The following CLSTN2 variants were observed in gnomAD, a reference collection of about 807,000 sequenced individuals.
CLSTN2 encodes the protein calsyntenin-2.
A neutral mutation model predicts 101.2 loss-of-function variants in CLSTN2; 48 were observed. That is an observed-to-expected ratio of 0.47 (90% CI 0.38 to 0.60). CLSTN2 has a LOEUF of 0.60. Ranked by LOEUF, CLSTN2 falls within the 20% of genes least tolerant of loss-of-function variation. The pLI, the probability that CLSTN2 is intolerant of heterozygous loss-of-function variation, is 0.00. For missense variants in CLSTN2, 1,160 were observed against 1,238.2 expected (o/e 0.94, Z 0.95); for synonymous variants, 481 against 463.6 (o/e 1.04, Z -0.48).
At chr3:139,970,023 G>T (rs1322704863) in intron 1 of CLSTN2, among the ~76,000 whole-genome samples, 1 of 152,174 alleles carries the variant, frequency 6.6e-6, no homozygotes, top group African/African-American at 2.4e-5. Context: ...CTACTTACCA[G>T]CCATGGGAAC....
At chr3:140,515,043 A>C (rs752907987) in intron 8 of CLSTN2, among the ~76,000 whole-genome samples, 10 of 148,568 alleles carry the variant, frequency 6.7e-5, no homozygotes, top group Non-Finnish European at 1.0e-4. Flanking sequence ...TGACCATTTC[A>C]ATCTTGCTGC....
At position 140,472,911 on chromosome 3, in the gene CLSTN2, C is replaced by A. The variant is rs572966996; in HGVS notation, c.1344+6180C>A. On this transcript the variant is annotated intron_variant, in intron 8 of 16. Coordinates refer to ENST00000458420, the MANE Select transcript of CLSTN2 (RefSeq NM_022131.3). ...ATATGGCTTCCTGACAAGCCCCAGT[C>A]ATATTCTAGTCCCTCTCCCTGACTG... Among the ~76,000 whole-genome samples, 169 of 152,272 alleles carry A rather than the reference C, an allele frequency of 1.1e-3. 1 individual carries two copies. The highest frequency in any genetic ancestry group is 3.9e-3 in the African/African-American group (163 of 41,548).
chr3:140,273,817 C>A (rs968642964), intron 2 of CLSTN2, among the ~76,000 whole-genome samples: 1 of 152,150 alleles, frequency 6.6e-6, no homozygotes, highest in African/African-American at 2.4e-5. Context: ...CATAGGAAGG[C>A]ACTTTGTAGT....
chr3:140,456,309 T>G (rs1933396930), intron 6 of CLSTN2, among the ~76,000 whole-genome samples: 1 of 152,160 alleles, frequency 6.6e-6, no homozygotes, highest in Admixed American at 6.5e-5. Context: ...ATGGGTCCAC[T>G]CACTAGCTGG....
At chr3:140,223,174 A>T (rs1384374500) in intron 2 of CLSTN2, among the ~76,000 whole-genome samples, 1 of 152,230 alleles carries the variant, frequency 6.6e-6, no homozygotes, top group Non-Finnish European at 1.5e-5. Context: ...CAGAAGCAAC[A>T]TCTTACCTGG....
At chr3:139,973,477 G>C (rs556445780) in intron 1 of CLSTN2, among the ~76,000 whole-genome samples, 5 of 152,230 alleles carry the variant, frequency 3.3e-5, no homozygotes, top group South Asian at 2.1e-4. Flanking sequence ...TTGGGGGTTG[G>C]GGGGAAGGAC....
Position 140,576,459 on chromosome 3 carries a change from A to G in CLSTN2, c.*10206A>G, listed in dbSNP as rs981375046. On this transcript the variant is annotated 3_prime_UTR_variant, in exon 17 of 17. Transcript: ENST00000458420. ...TAAAGGTTCTGGGTTCAGCCAGTCT[A>G]AAAAGTCTAATAATTTCTTCTCTCA... 1.3e-5 allele frequency: 2 copies of G among 152,260 alleles called. No individual in the cohort carries two copies. The highest frequency in any genetic ancestry group is 4.1e-4 in the South Asian group (2 of 4,834). The allele number at this position is 152,260 out of a possible 1,614,324, so 9.4% of individuals were successfully genotyped here.
At chr3:140,318,449 C>T (rs1383800519) in intron 2 of CLSTN2, among the ~76,000 whole-genome samples, 1 of 152,184 alleles carries the variant, frequency 6.6e-6, no homozygotes, top group Non-Finnish European at 1.5e-5. Flanking sequence ...TGGGTTTATG[C>T]AGAAGCTCCT....
chr3:139,964,979 T>G (rs1459809447), intron 1 of CLSTN2, among the ~76,000 whole-genome samples: 1 of 152,146 alleles, frequency 6.6e-6, no homozygotes, highest in African/African-American at 2.4e-5. Context: ...GCACCCCAAT[T>G]CATCTTGATG....
At chr3:139,976,315 C>T (rs1219077121) in intron 1 of CLSTN2, among the ~76,000 whole-genome samples, 1 of 152,184 alleles carries the variant, frequency 6.6e-6, no homozygotes, top group African/African-American at 2.4e-5. Context: ...GCAGAGCCAT[C>T]TAAATTTGCC....
At chr3:140,248,984 T>C (rs796670260) in intron 2 of CLSTN2, among the ~76,000 whole-genome samples, 17 of 152,314 alleles carry the variant, frequency 1.1e-4, no homozygotes, top group African/African-American at 4.1e-4. Flanking sequence ...TGGAAATTCA[T>C]GGGAGTTCAG....
chr3:140,392,241 G>T (rs2088123144), intron 2 of CLSTN2, among the ~76,000 whole-genome samples: 2 of 149,990 alleles, frequency 1.3e-5, no homozygotes, highest in African/African-American at 2.5e-5. Flanking sequence ...AGGTAAAATT[G>T]ATTTCAGTAA....
chr3:140,471,389 A>C (rs886656566), intron 8 of CLSTN2, among the ~76,000 whole-genome samples: 1 of 152,220 alleles, frequency 6.6e-6, no homozygotes, highest in Non-Finnish European at 1.5e-5. Context: ...ACACAGCTTG[A>C]GTGACAGCCT....
chr3:140,017,587 T>C (rs922244881), intron 1 of CLSTN2, among the ~76,000 whole-genome samples: 1 of 152,156 alleles, frequency 6.6e-6, no homozygotes, highest in African/African-American at 2.4e-5. Flanking sequence ...TGTAGGGCTG[T>C]GCATACAGTG....
At chr3:140,212,872 C>T (rs188039189) in intron 2 of CLSTN2, among the ~76,000 whole-genome samples, 9 of 152,336 alleles carry the variant, frequency 5.9e-5, no homozygotes, top group African/African-American at 1.9e-4. Flanking sequence ...CTGTGTGCCC[C>T]CTCACAGTGC....
chr3:140,526,689 C>T (rs1286723496), intron 8 of CLSTN2, among the ~76,000 whole-genome samples: 2 of 150,188 alleles, frequency 1.3e-5, no homozygotes, highest in Non-Finnish European at 3.0e-5. Flanking sequence ...CAAATTATAC[C>T]ATAAGGCAAC....
At chr3:140,388,000 G>A (rs2088072399) in intron 2 of CLSTN2, among the ~76,000 whole-genome samples, 1 of 152,184 alleles carries the variant, frequency 6.6e-6, no homozygotes, top group Admixed American at 6.5e-5. Context: ...TGTATAATTT[G>A]GTGGTGTCTA....
At chr3:140,454,404 C>T (rs1244593168) in intron 6 of CLSTN2, 1 of 152,164 alleles carries the variant, frequency 6.6e-6, no homozygotes, top group Non-Finnish European at 1.5e-5. Context: ...GGAGGAACTC[C>T]TCTTTTCTAG....
intron 1 of CLSTN2, among the ~76,000 whole-genome samples, chr3:140,173,299 T>G (rs2010268197): frequency 6.6e-6 from 1 of 152,210 alleles, no homozygotes; most frequent in South Asian, 2.1e-4. Flanking sequence ...CTCTTTTGAC[T>G]CCATGTCTCA....
Sources: allele counts gnomAD v4.1 joint callset (sites outside exome capture counted in the v4.1 genomes callset), GRCh38; gene constraint gnomAD v4.1.1; transcripts MANE v1.5; gene names NCBI Gene and HGNC (gene_info 2026-07-23, HGNC 2026-07-21).